Variants in ASTN2 observed in about 807,000 individuals in gnomAD.
The protein encoded by ASTN2 is astrotactin 2.
In ASTN2, 54 loss-of-function variants were observed where a neutral mutation model predicts 139.8. That is an observed-to-expected ratio of 0.39 (90% CI 0.31 to 0.48). The LOEUF is 0.48. Among genes scored for constraint, ASTN2 ranks in the 20% least tolerant of loss-of-function variants. The probability of loss-of-function intolerance (pLI) is 0.95; values close to 1 mark genes in which losing one functional copy is unlikely to be tolerated. For missense variants in ASTN2, 1,565 were observed against 1,725.1 expected (o/e 0.91, Z 1.64); for synonymous variants, 756 against 719.5 (o/e 1.05, Z -0.81).
chr9:117,388,807 CATGAAGAGTAAA>C (rs1830470406), intron 1 of ASTN2, among the ~76,000 whole-genome samples: 1 of 152,142 alleles, frequency 6.6e-6, no homozygotes, highest in Admixed American at 6.5e-5. Flanking sequence ...CCCAGAGTCT[CATGAAGAGTAAA>C]ATTATATCCT....
intron 4 of ASTN2, among the ~76,000 whole-genome samples, chr9:117,107,581 T>A (rs1194733543): frequency 6.6e-6 from 1 of 152,200 alleles, no homozygotes; most frequent in Non-Finnish European, 1.5e-5. Context: ...CTCACATTCT[T>A]TTTGCGTTTT....
intron 10 of ASTN2, among the ~76,000 whole-genome samples, chr9:116,965,073 C>T (rs1835977467): frequency 6.6e-6 from 1 of 152,218 alleles, no homozygotes; most frequent in South Asian, 2.1e-4. Flanking sequence ...GTTACAACTC[C>T]TCCTCCAACA....
intron 19 of ASTN2, among the ~76,000 whole-genome samples, chr9:116,587,346 T>TAAAAAAA (rs1373615741): frequency 7.9e-6 from 1 of 126,216 alleles, no homozygotes. Flanking sequence ...ATCTCAAATT[T>TAAAAAAA]AAAAAAAAAA....
intron 10 of ASTN2, among the ~76,000 whole-genome samples, chr9:116,891,963 C>T (rs4837994): frequency 1.3e-5 from 2 of 152,184 alleles, no homozygotes; most frequent in Non-Finnish European, 2.9e-5. Context: ...AGATGGAAAA[C>T]CCTGTAGTGT....
intron 3 of ASTN2, among the ~76,000 whole-genome samples, chr9:117,188,462 C>T (rs1485901181): frequency 9.2e-5 from 14 of 152,064 alleles, no homozygotes; most frequent in Non-Finnish European, 2.9e-5. Context: ...GTGGGGCTAT[C>T]ATCTCCATTT....
intron 2 of ASTN2, among the ~76,000 whole-genome samples, chr9:117,231,337 A>G (rs1832885412): frequency 6.6e-6 from 1 of 152,200 alleles, no homozygotes; most frequent in Non-Finnish European, 1.5e-5. Flanking sequence ...GCCATCCCTG[A>G]CTAGTCCTTC....
intron 3 of ASTN2, among the ~76,000 whole-genome samples, chr9:117,151,360 T>A (rs1830323355): frequency 6.6e-6 from 1 of 152,106 alleles, no homozygotes; most frequent in Non-Finnish European, 1.5e-5. Context: ...GGCTCAGAAC[T>A]CCGTGGGAGT....
chr9:116,570,025 G>C (rs1006938396), intron 19 of ASTN2, among the ~76,000 whole-genome samples: 3 of 152,202 alleles, frequency 2.0e-5, no homozygotes, highest in Non-Finnish European at 4.4e-5. Context: ...TATTACCATG[G>C]GGTGGAAAAG....
chr9:117,148,368 A>C (rs866656594), intron 3 of ASTN2, among the ~76,000 whole-genome samples: 1 of 152,222 alleles, frequency 6.6e-6, no homozygotes, highest in Non-Finnish European at 1.5e-5. Context: ...AAGAGTAGTC[A>C]TTACTCATCT....
intron 2 of ASTN2, among the ~76,000 whole-genome samples, chr9:117,217,921 C>T (rs1298611901): frequency 6.6e-6 from 1 of 152,202 alleles, no homozygotes; most frequent in African/African-American, 2.4e-5. Context: ...GATATGTGCT[C>T]TTTCATTCAC....
chr9:117,218,885 C>G (rs1002496484), intron 2 of ASTN2, among the ~76,000 whole-genome samples: 8 of 152,162 alleles, frequency 5.3e-5, no homozygotes, highest in Non-Finnish European at 1.2e-4. Context: ...TCTATAAAAT[C>G]AGGTCATAGA....
intron 7 of ASTN2, among the ~76,000 whole-genome samples, chr9:116,998,573 A>ATC (rs1554767994): frequency 9.7e-4 from 4 of 4,144 alleles, no homozygotes; most frequent in South Asian, 0.01. Context: ...ATCCATCCAT[A>ATC]CATCCATCCA....
rs765686224 is a variant in ASTN2, at chr9:116,698,602, G to A, written c.2806+27169C>T. On this transcript the variant is annotated intron_variant, in intron 16 of 22. Coordinates refer to ENST00000313400, the MANE Select transcript of ASTN2 (RefSeq NM_001365068.1). The surrounding 1 kb of genome is among the most constrained non-coding windows in gnomAD (Gnocchi z 4.4). Reference sequence around the variant, plus strand: ...GAGCTCCTTAAGGTAGGTCATGTTGGCCCCCTCCAAATTGGACAAGCTGTT... The same window carrying A: ...GAGCTCCTTAAGGTAGGTCATGTTGACCCCCTCCAAATTGGACAAGCTGTT... 1.2e-6 allele frequency: 2 copies of A among 1,613,904 alleles called. No homozygotes were observed. Among genetic ancestry groups the A allele is most frequent in the East Asian group, 2.2e-5 (1 of 44,888 alleles).
intron 1 of ASTN2, among the ~76,000 whole-genome samples, chr9:117,328,526 A>T (rs1481722453): frequency 1.3e-5 from 2 of 152,146 alleles, no homozygotes; most frequent in African/African-American, 2.4e-5. Flanking sequence ...TTTCATTATT[A>T]TAATTACTGA....
rs575333930 is a variant in ASTN2 at position 116,984,666 on chromosome 9, G to A, written c.1592-7881C>T. 3.3e-5 allele frequency among the ~76,000 whole-genome samples: 5 copies of A among 152,266 alleles called. No individual in the cohort carries two copies. In the South Asian group the frequency reaches 1.0e-3, roughly 32 times the overall value. On this transcript the variant is annotated intron_variant, in intron 7 of 22. Coordinates refer to ENST00000313400, the MANE Select transcript of ASTN2 (RefSeq NM_001365068.1). Reference sequence around the variant, plus strand: ...GAGAGGAGAAAAGGGAAAATTAAGTGGCAAACAATTATTTTGTAAAAGAAT... The same window carrying A: ...GAGAGGAGAAAAGGGAAAATTAAGTAGCAAACAATTATTTTGTAAAAGAAT...
chr9:116,569,456 C>A (rs1853400633), intron 19 of ASTN2, among the ~76,000 whole-genome samples: 1 of 152,192 alleles, frequency 6.6e-6, no homozygotes, highest in African/African-American at 2.4e-5. Flanking sequence ...TGTTATTAGA[C>A]CTTAGCTTTC....
chr9:116,638,055 T>C (rs370787971), intron 17 of ASTN2, among the ~76,000 whole-genome samples: 4 of 152,146 alleles, frequency 2.6e-5, no homozygotes, highest in South Asian at 2.1e-4. Context: ...TTGCAGGATA[T>C]AGGAGAAAAG....
At chr9:117,216,311 A>T (rs1273935573) in intron 2 of ASTN2, among the ~76,000 whole-genome samples, 2 of 152,184 alleles carry the variant, frequency 1.3e-5, no homozygotes, top group African/African-American at 2.4e-5. Flanking sequence ...CAGCACCTCC[A>T]CAGAGGTAGG....
rs1279761388 is a variant in ASTN2 at position 116,423,336 on chromosome 9, C to T, written c.*2515G>A. On this transcript the variant is annotated 3_prime_UTR_variant, in exon 23 of 23. Transcript: ENST00000313400. ...TGAGGTGGGACCAGCATTGACTCCA[C>T]TTTGTTGATGAGAAACCTGATGTCA... 6.6e-6 allele frequency among the ~76,000 whole-genome samples: 1 copy of T among 152,202 alleles called. No homozygotes were observed. Among genetic ancestry groups the T allele is most frequent in the African/African-American group, 2.4e-5 (1 of 41,450 alleles).
Sources: allele counts gnomAD v4.1 joint callset (sites outside exome capture counted in the v4.1 genomes callset), GRCh38; gene constraint gnomAD v4.1.1; non-coding constraint Gnocchi (gnomAD v3.1); transcripts MANE v1.5; gene names NCBI Gene and HGNC (gene_info 2026-07-23, HGNC 2026-07-21).